GRAMD1C: variants seen among roughly 807,000 people sequenced by gnomAD.
GRAMD1C encodes the protein GRAM domain containing 1C, also known as protein Aster-C.
In GRAMD1C, 89 loss-of-function variants were observed where a neutral mutation model predicts 97.8. That is an observed-to-expected ratio of 0.91 (90% CI 0.77 to 1.09). The LOEUF is 1.09. Among genes scored for constraint, GRAMD1C ranks in the 50% least tolerant of loss-of-function variants. The pLI is 0.00. For missense variants in GRAMD1C, 740 were observed against 766.4 expected, an observed-to-expected ratio of 0.97 and a Z score of 0.41; for synonymous variants, 256 against 267.0, an observed-to-expected ratio of 0.96 and a Z score of 0.40.
At chr3:113,917,699 A>AT (rs932827364) in intron 10 of GRAMD1C, among the ~76,000 whole-genome samples, 53 of 145,090 alleles carry the variant, frequency 3.7e-4, no homozygotes, top group Admixed American at 4.2e-4. Flanking sequence ...TGTAAACATA[A>AT]TTTTTTTTTT....
chr3:113,942,347 A>G (rs1937843946), intron 17 of GRAMD1C, among the ~76,000 whole-genome samples: 1 of 151,374 alleles, frequency 6.6e-6, no homozygotes, highest in Non-Finnish European at 1.5e-5. Context: ...TTTAATTTCT[A>G]TCTTTAAGGT....
intron 5 of GRAMD1C, among the ~76,000 whole-genome samples, chr3:113,880,068 C>T (rs1935202398): frequency 6.6e-6 from 1 of 152,160 alleles, no homozygotes; most frequent in African/African-American, 2.4e-5. Flanking sequence ...TCCCACACTC[C>T]TAGTGTGGAT....
chr3:113,850,741 T>A (rs1933859802), intron 2 of GRAMD1C: 2 of 1,437,100 alleles, frequency 1.4e-6, no homozygotes, highest in African/African-American at 2.8e-5. Flanking sequence ...TCTCCGCTGC[T>A]GTAGGGTCCG....
chr3:113,857,344 C>G (rs918529663), intron 2 of GRAMD1C, among the ~76,000 whole-genome samples: 2 of 150,612 alleles, frequency 1.3e-5, no homozygotes, highest in Admixed American at 1.3e-4. Context: ...TTTGTAGATG[C>G]TCTTAATCAA....
intron 8 of GRAMD1C, among the ~76,000 whole-genome samples, chr3:113,906,374 A>G (rs1428834313): frequency 6.6e-6 from 1 of 152,192 alleles, no homozygotes; most frequent in African/African-American, 2.4e-5. Context: ...GGAAGCAGTG[A>G]TATTCATGAT....
At chr3:113,865,570 T>C (rs889177706) in intron 2 of GRAMD1C, among the ~76,000 whole-genome samples, 1 of 152,154 alleles carries the variant, frequency 6.6e-6, no homozygotes, top group Non-Finnish European at 1.5e-5. Context: ...TTTTTGAAAA[T>C]GATTTTAGAG....
At chr3:113,913,059 C>T (rs1936662871) in intron 9 of GRAMD1C, 3 of 1,148,394 alleles carry the variant, frequency 2.6e-6, no homozygotes, top group Admixed American at 4.6e-5. Flanking sequence ...GTGTCCTTAC[C>T]ATTCTTGCTT....
chr3:113,938,679 CATT>C (rs1327186927), intron 15 of GRAMD1C: 1 of 152,268 alleles, frequency 6.6e-6, no homozygotes, highest in Non-Finnish European at 1.5e-5. Flanking sequence ...GTGATATGAG[CATT>C]ACATGGTGAA....
At chr3:113,911,497 C>T (rs537969125) in intron 9 of GRAMD1C, among the ~76,000 whole-genome samples, 8 of 152,074 alleles carry the variant, frequency 5.3e-5, no homozygotes, top group Admixed American at 1.3e-4. Flanking sequence ...CCTTTAGCCT[C>T]GGCCTTCCAG....
In GRAMD1C at chr3:113,900,264, T is replaced by G. The variant is rs886304550; in HGVS notation, c.541-767T>G. ...ATCCCAGCCACTCGGGAGGCTGAGG[T>G]AGGAGAATCGCTTGAACCTGGGAGG... is the stretch of plus-strand genomic sequence containing the variant. On this transcript the variant is annotated intron_variant, in intron 6 of 17. Transcript: ENST00000358160. 2.0e-5 allele frequency among the ~76,000 whole-genome samples: 3 copies of G among 150,880 alleles called. No homozygotes were observed. In the South Asian group the frequency reaches 6.3e-4, roughly 32 times the overall value.
In GRAMD1C at chr3:113,885,455, G is replaced by A. The variant is rs1935437800; in HGVS notation, c.540+2623G>A. ...ATCCTCCCCTTATCTCCTGTGTCCC[G>A]GAATTGGCTAGCCCAGGTGAGGAGG... On this transcript the variant is annotated intron_variant, in intron 6 of 17. Transcript: ENST00000358160. 7 of 1,584,926 alleles carry A rather than the reference G, an allele frequency of 4.4e-6. No homozygotes were observed. In the East Asian group the frequency reaches 6.7e-5, roughly 15 times the overall value.
rs1933529517 is a variant in GRAMD1C, at chr3:113,844,591, T to C, written c.116T>C (p.Val39Ala). The change falls in exon 2 of 18, where the codon GTG (valine) becomes GCG (alanine). Residue 39 changes from valine to alanine, a missense_variant. Val to Ala is a moderately conservative substitution (Grantham distance 64). Transcript: ENST00000358160. Reference protein sequence around the residue: ...NPSPTVEENNVVVKKQGPNLH... With the variant: ...NPSPTVEENNAVVKKQGPNLH... Reference sequence around the variant, plus strand: ...AGTCCAACTGTGGAAGAGAATAATGTGGTAGTTAAAAAACAGGGGCCAAAT... The same window carrying C: ...AGTCCAACTGTGGAAGAGAATAATGCGGTAGTTAAAAAACAGGGGCCAAAT... 1 of 1,605,134 alleles carries C rather than the reference T, an allele frequency of 6.2e-7. No homozygotes were observed. Among genetic ancestry groups the C allele is most frequent in the Non-Finnish European group, 8.5e-7 (1 of 1,174,154 alleles).
At chr3:113,847,722 C>T (rs960668581) in intron 2 of GRAMD1C, among the ~76,000 whole-genome samples, 3 of 152,148 alleles carry the variant, frequency 2.0e-5, no homozygotes, top group Non-Finnish European at 4.4e-5. Flanking sequence ...GTAGCACATG[C>T]CTGTAGTCCC....
At chr3:113,831,748 C>T (rs1365117530) in intron 1 of GRAMD1C, among the ~76,000 whole-genome samples, 4 of 145,088 alleles carry the variant, frequency 2.8e-5, no homozygotes, top group African/African-American at 2.5e-5. Context: ...TTGTATTTTT[C>T]AGCTCCAGAG....
At chr3:113,836,937 C>T (rs367713702), upstream of GRAMD1C, among the ~76,000 whole-genome samples, 8 of 152,238 alleles carry the variant, frequency 5.3e-5, no homozygotes, top group African/African-American at 1.7e-4. Flanking sequence ...AGCCACCACG[C>T]CCAGCTGCCA....
intron 11 of GRAMD1C, among the ~76,000 whole-genome samples, chr3:113,932,482 T>C (rs1183321933): frequency 6.6e-6 from 1 of 152,184 alleles, no homozygotes; most frequent in Admixed American, 6.5e-5. Flanking sequence ...ACTACCCTTC[T>C]TGACTTTTTT....
intron 6 of GRAMD1C, chr3:113,885,623 T>G (rs1050252165): frequency 2.0e-6 from 3 of 1,505,052 alleles, no homozygotes; most frequent in Non-Finnish European, 1.8e-6. Context: ...TTTTTGTACG[T>G]AAGAGGCCCC....
At position 113,884,560 on chromosome 3, in the gene GRAMD1C, C is replaced by T. The variant is rs146283233; in HGVS notation, c.540+1728C>T. Among the ~76,000 whole-genome samples the T allele has an allele frequency of 2.9e-3, 434 of 152,236 alleles. 2 individuals are homozygous for T. The highest frequency in any genetic ancestry group is 9.6e-3 in the African/African-American group (400 of 41,554). On this transcript the variant is annotated intron_variant, in intron 6 of 17. Coordinates refer to ENST00000358160, the MANE Select transcript of GRAMD1C (RefSeq NM_017577.5). ...GCCTTAAGAAATTAGAGGCCGGGCGCGGTGGCTCACACCTGTAATCCCAGC... is the reference window on the plus strand; with the variant it reads ...GCCTTAAGAAATTAGAGGCCGGGCGTGGTGGCTCACACCTGTAATCCCAGC...
At chr3:113,866,980 C>T (rs1934610200) in intron 2 of GRAMD1C, among the ~76,000 whole-genome samples, 1 of 152,106 alleles carries the variant, frequency 6.6e-6, no homozygotes, top group Admixed American at 6.5e-5. Flanking sequence ...AGGTGCCTGC[C>T]ACCCTGCCTG....
Sources: gnomAD v4.1 joint callset for allele counts (sites outside exome capture counted in the v4.1 genomes callset) on GRCh38, gnomAD v4.1.1 for gene constraint, MANE v1.5 for transcripts, NCBI Gene and HGNC (gene_info 2026-07-23, HGNC 2026-07-21) for gene names.